The following KLHDC4 variants were observed in gnomAD, a reference collection of about 807,000 sequenced individuals.
KLHDC4 encodes kelch domain containing 4, also known as kelch domain-containing protein 4.
Under a neutral mutation model 62.4 loss-of-function variants are expected in KLHDC4, and 90 were observed. The ratio of observed to expected loss-of-function variants is 1.44; its 90% CI spans 1.22 to 1.72. The LOEUF (loss-of-function observed/expected upper bound fraction) is 1.72. Among genes scored for constraint, KLHDC4 ranks in the 40% most tolerant of loss-of-function variants. The pLI is 0.00. For synonymous variants in KLHDC4, 386 were observed against 284.4 expected, an observed-to-expected ratio of 1.36 and a Z score of -3.59; for missense variants, 1,025 against 699.7, an observed-to-expected ratio of 1.47 and a Z score of -5.25.
At chr16:87,710,919 G>C (rs1255878898) in intron 9 of KLHDC4, 1 of 333,956 alleles carries the variant, frequency 3.0e-6, no homozygotes, top group Non-Finnish European at 5.7e-6. Flanking sequence ...TCATAACACA[G>C]GCTGGTCCAC....
At chr16:87,701,560 TGTAGCCGG>T in exon 1 of KLHDC4, 1 of 403,886 alleles carries the variant, frequency 2.5e-6, no homozygotes, top group Admixed American at 2.5e-5. Flanking sequence ...TCACCCCATG[TGTAGCCGG>T]GTGCTGGGCC....
In KLHDC4 at chr16:87,709,366, C is replaced by G; in HGVS notation, c.1346G>C (p.Gly449Ala). ...VKHGVLYVYG[G>A]MFEAGDRQVT... The stretch of plus-strand genomic sequence containing the variant: ...CTGGCGGTCGCCGGCCTCAAACATG[C>G]CCCCATAGACGTAGAGCACCCCATG... Residue 449 changes from glycine to alanine, a missense_variant, in exon 10 of 12, where the codon GGC becomes GCC. Physicochemically the swap from Gly to Ala is moderately conservative, Grantham distance 60. Coordinates refer to ENST00000270583, the MANE Select transcript of KLHDC4 (RefSeq NM_017566.4). The G allele has an allele frequency of 6.2e-7, 1 of 1,613,436 alleles. No individual in the cohort carries two copies. The highest frequency in any genetic ancestry group is 1.1e-5 in the South Asian group (1 of 91,084).
intron 7 of KLHDC4, among the ~76,000 whole-genome samples, chr16:87,721,599 G>C (rs1350014362): frequency 6.6e-6 from 1 of 152,096 alleles, no homozygotes; most frequent in Non-Finnish European, 1.5e-5. Context: ...TGAGCACGGA[G>C]CTCTGGCTCC....
At chr16:87,701,662 C>A (rs1360778418) in exon 1 of KLHDC4, 2 of 455,548 alleles carry the variant, frequency 4.4e-6, no homozygotes, top group Non-Finnish European at 8.8e-6. Context: ...TCCGCCTCGT[C>A]CACTCCTGGC....
chr16:87,745,111 T>C (rs546831698), intron 5 of KLHDC4, among the ~76,000 whole-genome samples: 4 of 152,360 alleles, frequency 2.6e-5, no homozygotes, highest in Admixed American at 6.5e-5. Context: ...ATCCTTAAAC[T>C]TGGGGGTCAG....
At chr16:87,703,050 G>C (rs548254215), downstream of KLHDC4, 2 of 152,378 alleles carry the variant, frequency 1.3e-5, no homozygotes, top group Admixed American at 1.3e-4. Flanking sequence ...ACAATGTCGT[G>C]TGACACTTTG....
chr16:87,700,845 G>A (rs182778272), exon 1 of KLHDC4: 3 of 246,644 alleles, frequency 1.2e-5, no homozygotes, highest in Non-Finnish European at 2.4e-5. Flanking sequence ...AGGGCGGAGG[G>A]AGGAGGTTGG....
intron 5 of KLHDC4, among the ~76,000 whole-genome samples, chr16:87,748,295 C>A (rs192637597): frequency 2.6e-5 from 4 of 152,218 alleles, no homozygotes; most frequent in Admixed American, 1.3e-4. Context: ...ACAGAAAGAA[C>A]GTGCCTTTTA....
At chr16:87,759,579 T>G (rs1195277457) in intron 2 of KLHDC4, among the ~76,000 whole-genome samples, 7 of 152,138 alleles carry the variant, frequency 4.6e-5, no homozygotes, top group Non-Finnish European at 7.3e-5. Context: ...AAACTCCGTC[T>G]CTACTAAAAA....
At chr16:87,701,969 C>T (rs1046458484) in exon 1 of KLHDC4, 12 of 456,176 alleles carry the variant, frequency 2.6e-5, no homozygotes, top group Non-Finnish European at 5.3e-5. Flanking sequence ...CCTTCTTGGT[C>T]ATCTTCCTGG....
Position 87,725,794 on chromosome 16 carries a change from C to T in KLHDC4, c.759+971G>A, listed in dbSNP as rs114642001. 5.5e-3 allele frequency among the ~76,000 whole-genome samples: 835 copies of T among 152,304 alleles called. 6 individuals are homozygous for T. The highest frequency in any genetic ancestry group is 0.02 in the African/African-American group (813 of 41,546). On this transcript the variant is annotated intron_variant, in intron 7 of 11. Coordinates refer to ENST00000270583, the MANE Select transcript of KLHDC4 (RefSeq NM_017566.4). ...GATGCCAGTACACGTGCAGAGCACA[C>T]GCCCCAAGAGCAGGAGGCTCCGGGG...
chr16:87,744,575 T>A (rs1287906186), intron 5 of KLHDC4, among the ~76,000 whole-genome samples: 2 of 141,116 alleles, frequency 1.4e-5, no homozygotes, highest in African/African-American at 5.2e-5. Context: ...AGAGCTAGAC[T>A]GTCTCAGAAA....
intron 5 of KLHDC4, chr16:87,747,528 A>C (rs2043216039): frequency 6.6e-6 from 1 of 152,210 alleles, no homozygotes; most frequent in South Asian, 2.1e-4. Flanking sequence ...GCATGAGAAA[A>C]GGGACGGAAA....
intron 6 of KLHDC4, among the ~76,000 whole-genome samples, chr16:87,728,858 T>G (rs1437905309): frequency 6.6e-6 from 1 of 152,178 alleles, no homozygotes; most frequent in Admixed American, 6.5e-5. Context: ...CACTTCAACA[T>G]CCGCCTCCCC....
At chr16:87,758,966 G>A (rs1459722569) in intron 2 of KLHDC4, among the ~76,000 whole-genome samples, 1 of 152,024 alleles carries the variant, frequency 6.6e-6, no homozygotes, top group Non-Finnish European at 1.5e-5. Context: ...ACCTGAGGTG[G>A]GGAGTTCGAG....
At chr16:87,716,791 G>A (rs76376163) in intron 7 of KLHDC4, among the ~76,000 whole-genome samples, 8,323 of 152,246 alleles carry the variant, frequency 0.055, 296 homozygotes, top group South Asian at 0.16. Flanking sequence ...AATTAGCCAG[G>A]CACAGTGGCA....
intron 11 of KLHDC4, 28 bp from the exon 12 acceptor site, chr16:87,708,103 G>C (rs962733507): frequency 3.1e-6 from 2 of 641,830 alleles, no homozygotes; most frequent in East Asian, 6.2e-5. Flanking sequence ...AGGAATGAGA[G>C]AGAAACACAT....
intron 9 of KLHDC4, 52 bp from the exon 10 acceptor site, chr16:87,709,719 C>G (rs1261768448): frequency 6.7e-7 from 1 of 1,496,746 alleles, no homozygotes; most frequent in Admixed American, 2.2e-5. Flanking sequence ...AGGCAGGGGT[C>G]ATTCCTGCTA....
chr16:87,710,635 G>T (rs1467391287), intron 9 of KLHDC4: 2 of 153,012 alleles, frequency 1.3e-5, no homozygotes, highest in Non-Finnish European at 2.9e-5. Context: ...CGGACTGTGG[G>T]TCCAGAAACG....
Sources: allele counts gnomAD v4.1 joint callset (sites outside exome capture counted in the v4.1 genomes callset), GRCh38; gene constraint gnomAD v4.1.1; transcripts MANE v1.5; gene names NCBI Gene and HGNC (gene_info 2026-07-23, HGNC 2026-07-21).